The following TENM3 variants were observed in gnomAD, a reference collection of about 807,000 sequenced individuals.
TENM3 encodes the protein teneurin-3.
In TENM3, 63 loss-of-function variants were observed where a neutral mutation model predicts 255.1. The ratio of observed to expected loss-of-function variants is 0.25; its 90% CI spans 0.20 to 0.30. TENM3 has a LOEUF of 0.30. TENM3 is among the 10% of genes least tolerant of loss of function. TENM3 has a pLI of 1.00. For synonymous variants in TENM3, 1,306 were observed against 1,322.3 expected, an observed-to-expected ratio of 0.99 and a Z score of 0.27; for missense variants, 2,929 against 3,461.1, an observed-to-expected ratio of 0.85 and a Z score of 3.86.
At chr4:182,065,172 C>T in the TENM3 span, among the ~76,000 whole-genome samples, 44 of 151,912 alleles carry the variant, frequency 2.9e-4, no homozygotes, top group African/African-American at 1.0e-3. Flanking sequence ...GAAGCTGGGA[C>T]TATAGGCATG....
intron 4 of TENM3, among the ~76,000 whole-genome samples, chr4:182,617,060 T>A (rs1347903116): frequency 6.6e-6 from 1 of 152,206 alleles, no homozygotes; most frequent in African/African-American, 2.4e-5. Context: ...AATTCAGAAT[T>A]TGGTAGTGAA....
At chr4:181,539,888 A>G in the TENM3 span, among the ~76,000 whole-genome samples, 2 of 152,224 alleles carry the variant, frequency 1.3e-5, no homozygotes, top group African/African-American at 2.4e-5. Context: ...TTTATTTACA[A>G]GTACAACTAT....
chr4:181,772,532 A>G, the TENM3 span, among the ~76,000 whole-genome samples: 1 of 152,246 alleles, frequency 6.6e-6, no homozygotes, highest in African/African-American at 2.4e-5. Flanking sequence ...AAAAATGTTA[A>G]TGTGTTGTAA....
chr4:182,337,989 G>A (rs951762965), intron 2 of TENM3, among the ~76,000 whole-genome samples: 1 of 152,152 alleles, frequency 6.6e-6, no homozygotes. Context: ...GACTGGGTAC[G>A]GGAGAGCTTT....
chr4:182,195,513 G>A (rs1222430590), intron 1 of TENM3, among the ~76,000 whole-genome samples: 3 of 152,074 alleles, frequency 2.0e-5, no homozygotes, highest in East Asian at 1.9e-4. Flanking sequence ...GGTGGTGCAC[G>A]CCTGTGGTCC....
At chr4:181,774,819 T>G in the TENM3 span, among the ~76,000 whole-genome samples, 1 of 107,952 alleles carries the variant, frequency 9.3e-6, no homozygotes, top group Non-Finnish European at 1.8e-5. Context: ...TGTCTTCTTT[T>G]GAGAAGTGTC....
At chr4:182,688,123 G>A (rs775288294) in intron 11 of TENM3, 43 bp from the exon 12 acceptor site, 22 of 1,480,140 alleles carry the variant, frequency 1.5e-5, no homozygotes, top group South Asian at 5.5e-5. Flanking sequence ...TCTCTCTCCC[G>A]CCACTCTTCT....
At chr4:182,559,975 A>G (rs1742981847) in intron 3 of TENM3, among the ~76,000 whole-genome samples, 1 of 152,068 alleles carries the variant, frequency 6.6e-6, no homozygotes, top group South Asian at 2.1e-4. Context: ...ATTTACCCTG[A>G]TGTGATTTAT....
the TENM3 span, among the ~76,000 whole-genome samples, chr4:181,665,853 G>A: frequency 2.4e-4 from 36 of 151,686 alleles, no homozygotes; most frequent in Admixed American, 1.2e-3. Flanking sequence ...ATTAAATTTC[G>A]TATATATCTA....
At chr4:182,119,736 T>C in the TENM3 span, among the ~76,000 whole-genome samples, 2 of 152,110 alleles carry the variant, frequency 1.3e-5, no homozygotes, top group African/African-American at 4.8e-5. Context: ...AGATAGGGTC[T>C]TGCTCTGTCA....
the TENM3 span, chr4:181,906,140 G>T: frequency 3.4e-6 from 1 of 296,084 alleles, no homozygotes; most frequent in Non-Finnish European, 6.8e-6. Flanking sequence ...GGGAAGGTGT[G>T]TATAAACAGT....
rs76914865 is a variant in TENM3, at chr4:182,585,366, T to C, written c.512-15558T>C. On this transcript the variant is annotated intron_variant, in intron 3 of 27. Coordinates refer to ENST00000511685, the MANE Select transcript of TENM3 (RefSeq NM_001080477.4). ...TTTGTGTCCCCCAAAATTCAAATGT[T>C]GACGCTGTAATCCCCTATGTGACTA... Among the ~76,000 whole-genome samples, 1,044 of 152,286 alleles carry C rather than the reference T, an allele frequency of 6.9e-3. 39 individuals carry two copies. The East Asian group carries it at 0.081, about 12-fold the overall frequency.
At chr4:181,555,625 G>A in the TENM3 span, among the ~76,000 whole-genome samples, 10 of 151,982 alleles carry the variant, frequency 6.6e-5, no homozygotes, top group African/African-American at 1.2e-4. Context: ...CCTCAATTAC[G>A]AGATACAGAA....
At chr4:182,451,616 A>T (rs1271724674) in intron 3 of TENM3, among the ~76,000 whole-genome samples, 1 of 152,178 alleles carries the variant, frequency 6.6e-6, no homozygotes, top group East Asian at 1.9e-4. Context: ...TATTTCAGGT[A>T]TTCATTCCCT....
intron 1 of TENM3, among the ~76,000 whole-genome samples, chr4:182,194,279 G>A (rs1271072695): frequency 6.6e-6 from 1 of 152,158 alleles, no homozygotes; most frequent in Admixed American, 6.5e-5. Context: ...TGTTAAGTGA[G>A]CCTTCTGATT....
At chr4:182,002,430 C>T in the TENM3 span, among the ~76,000 whole-genome samples, 8 of 152,116 alleles carry the variant, frequency 5.3e-5, no homozygotes, top group Non-Finnish European at 1.0e-4. Flanking sequence ...TTAAATCTAA[C>T]CTTTCCTCAG....
intron 11 of TENM3, 27 bp downstream of exon 11, chr4:182,682,041 G>A: frequency 2.5e-6 from 4 of 1,591,330 alleles, no homozygotes; most frequent in Non-Finnish European, 3.4e-6. Context: ...CAGTACAATC[G>A]AGTTGCTTAA....
chr4:182,656,106 G>A (rs1004715465), intron 6 of TENM3, among the ~76,000 whole-genome samples: 1 of 152,150 alleles, frequency 6.6e-6, no homozygotes, highest in African/African-American at 2.4e-5. Flanking sequence ...CACCTTTAGA[G>A]CACCTGTATA....
the TENM3 span, among the ~76,000 whole-genome samples, chr4:182,039,196 C>T: frequency 1.3e-5 from 2 of 152,186 alleles, no homozygotes; most frequent in African/African-American, 4.8e-5. Context: ...TCAAACGCCT[C>T]AAGATGTTTG....
Sources: allele counts gnomAD v4.1 joint callset (sites outside exome capture counted in the v4.1 genomes callset), GRCh38; gene constraint gnomAD v4.1.1; transcripts MANE v1.5; gene names NCBI Gene and HGNC (gene_info 2026-07-23, HGNC 2026-07-21).